Variants in BAZ2B observed in about 807,000 individuals in gnomAD.
BAZ2B encodes the protein bromodomain adjacent to zinc finger domain protein 2B.
In BAZ2B, 91 loss-of-function variants were observed where a neutral mutation model predicts 246.0. The observed-to-expected ratio is 0.37, with a 90% CI of 0.31 to 0.44. The LOEUF (loss-of-function observed/expected upper bound fraction) is 0.44, where lower values mean the gene tolerates loss of function less well. BAZ2B is among the 20% of genes least tolerant of loss of function. The pLI, the probability that BAZ2B is intolerant of heterozygous loss-of-function variation, is 1.00. For missense variants in BAZ2B, 2,332 were observed against 2,533.7 expected (o/e 0.92, Z 1.71); for synonymous variants, 855 against 860.0 (o/e 0.99, Z 0.10).
At chr2:159,332,402 G>T in intron 34 of BAZ2B, 138 bp downstream of exon 34, 1 of 799,786 alleles carries the variant, frequency 1.3e-6, no homozygotes, top group Non-Finnish European at 1.9e-6. Flanking sequence ...CCAGAGGATA[G>T]CTTGAGCCCA....
the BAZ2B span, among the ~76,000 whole-genome samples, chr2:159,649,484 A>G: frequency 1.8e-4 from 27 of 152,204 alleles, no homozygotes; most frequent in African/African-American, 6.3e-4. Context: ...GTAAATACAG[A>G]TGAAGCTTCT....
chr2:159,592,086 C>T (rs1689525709), intron 1 of BAZ2B, among the ~76,000 whole-genome samples: 1 of 151,654 alleles, frequency 6.6e-6, no homozygotes, highest in South Asian at 2.1e-4. Flanking sequence ...CACCACCAAA[C>T]TCCAGCCTGG....
At chr2:159,479,035 C>A (rs1313043262) in intron 2 of BAZ2B, among the ~76,000 whole-genome samples, 2 of 151,978 alleles carry the variant, frequency 1.3e-5, no homozygotes, top group Non-Finnish European at 2.9e-5. Flanking sequence ...CTTATTCATC[C>A]CAAATTACCT....
intron 2 of BAZ2B, among the ~76,000 whole-genome samples, chr2:159,531,716 G>T (rs2085398035): frequency 6.6e-6 from 1 of 151,926 alleles, no homozygotes. Context: ...GAATATCAAT[G>T]ATTTCCAACC....
chr2:159,513,206 C>T (rs1356295377), intron 2 of BAZ2B, among the ~76,000 whole-genome samples: 1 of 152,154 alleles, frequency 6.6e-6, no homozygotes. Flanking sequence ...ACTCTTAAAA[C>T]TTGACTACCC....
At chr2:159,679,815 C>A in the BAZ2B span, among the ~76,000 whole-genome samples, 2 of 152,140 alleles carry the variant, frequency 1.3e-5, no homozygotes, top group African/African-American at 2.4e-5. Context: ...AATACTTGGG[C>A]CACCATTACC....
chr2:159,407,436 C>T (rs185579197), intron 14 of BAZ2B, among the ~76,000 whole-genome samples: 6 of 152,236 alleles, frequency 3.9e-5, no homozygotes, highest in African/African-American at 1.4e-4. Context: ...TGCACCACTG[C>T]ACTCCAGTGA....
intron 31 of BAZ2B, among the ~76,000 whole-genome samples, chr2:159,338,980 C>T (rs2066145583): frequency 6.6e-6 from 1 of 151,952 alleles, no homozygotes; most frequent in African/African-American, 2.4e-5. Flanking sequence ...ACACTTTATC[C>T]AATTTTTTGG....
At position 159,347,601 on chromosome 2, in the gene BAZ2B, C is replaced by T. The variant is rs370048337; in HGVS notation, c.5339G>A (p.Arg1780Gln). The change falls in exon 31 of 37, where the codon CGA (arginine) becomes CAA (glutamine). Residue 1780 changes from arginine to glutamine, a missense_variant. Transcript: ENST00000392783. ...TACTGACCAGTTCTCCACAATATCTCGAGTTACTTGGTTTTCTTCATTTTC... is the reference window on the plus strand; with the variant it reads ...TACTGACCAGTTCTCCACAATATCTTGAGTTACTTGGTTTTCTTCATTTTC... ...LNENEENQVTRDIVENWSVEE... is the reference protein window; with the variant it reads ...LNENEENQVTQDIVENWSVEE... 1.7e-5 allele frequency: 28 copies of T among 1,612,458 alleles called. No homozygotes were observed. The highest frequency in any genetic ancestry group is 1.2e-4 in the Admixed American group (7 of 59,934).
intron 2 of BAZ2B, among the ~76,000 whole-genome samples, chr2:159,508,523 G>T (rs768028939): frequency 1.4e-4 from 22 of 152,002 alleles, no homozygotes; most frequent in Non-Finnish European, 2.6e-4. Flanking sequence ...TTTTGTTAAT[G>T]ATTTAAACAC....
chr2:159,348,364 A>G (rs1250201707), intron 30 of BAZ2B, among the ~76,000 whole-genome samples: 3 of 150,400 alleles, frequency 2.0e-5, no homozygotes, highest in African/African-American at 4.9e-5. Context: ...ATTTGCATGT[A>G]ATCTATGTAC....
At chr2:159,675,356 CCT>C in the BAZ2B span, among the ~76,000 whole-genome samples, 1 of 150,820 alleles carries the variant, frequency 6.6e-6, no homozygotes, top group African/African-American at 2.4e-5. Flanking sequence ...CTGTAAAAAT[CCT>C]CTGATTCCTG....
intron 1 of BAZ2B, among the ~76,000 whole-genome samples, chr2:159,584,746 T>C (rs919436584): frequency 2.0e-5 from 3 of 152,180 alleles, no homozygotes; most frequent in African/African-American, 7.2e-5. Flanking sequence ...TGAAATGTAA[T>C]CTCCAGTATT....
chr2:159,406,729 C>T (rs2065991909), intron 14 of BAZ2B, among the ~76,000 whole-genome samples: 1 of 151,980 alleles, frequency 6.6e-6, no homozygotes, highest in Non-Finnish European at 1.5e-5. Context: ...TGATCGCAGG[C>T]ACTATTGTGT....
chr2:159,663,946 T>C, the BAZ2B span, among the ~76,000 whole-genome samples: 2 of 103,786 alleles, frequency 1.9e-5, no homozygotes, highest in Non-Finnish European at 3.9e-5. Flanking sequence ...TACATATGTA[T>C]ACATGTGCCA....
At chr2:159,699,512 A>T in the BAZ2B span, among the ~76,000 whole-genome samples, 1 of 152,094 alleles carries the variant, frequency 6.6e-6, no homozygotes, top group African/African-American at 2.4e-5. Context: ...ACTCCAGCCT[A>T]GGTGACAGAG....
chr2:159,697,263 T>C, the BAZ2B span, among the ~76,000 whole-genome samples: 1 of 152,232 alleles, frequency 6.6e-6, no homozygotes. Flanking sequence ...GTCTGGGATA[T>C]GTCTATTCTA....
chr2:159,465,214 T>C (rs1395917857), intron 3 of BAZ2B, among the ~76,000 whole-genome samples: 1 of 152,230 alleles, frequency 6.6e-6, no homozygotes, highest in Non-Finnish European at 1.5e-5. Flanking sequence ...ATGCTTCCTG[T>C]GTCTTCACAT....
At chr2:159,549,656 T>C (rs2087867268) in intron 2 of BAZ2B, among the ~76,000 whole-genome samples, 2 of 152,116 alleles carry the variant, frequency 1.3e-5, no homozygotes, top group African/African-American at 4.8e-5. Flanking sequence ...GTTTCCAAAT[T>C]TGTGTTAGGA....
Sources: gnomAD v4.1 joint callset for allele counts (sites outside exome capture counted in the v4.1 genomes callset) on GRCh38, gnomAD v4.1.1 for gene constraint, MANE v1.5 for transcripts, NCBI Gene and HGNC (gene_info 2026-07-23, HGNC 2026-07-21) for gene names.